Variants in AGMO observed in about 807,000 individuals in gnomAD.
The protein encoded by AGMO is glyceryl-ether monooxygenase.
Under a neutral mutation model 60.2 loss-of-function variants are expected in AGMO, and 75 were observed. That is an observed-to-expected ratio of 1.25 (90% confidence interval 1.03 to 1.51). AGMO has a LOEUF of 1.51. AGMO is among the 40% of genes most tolerant of loss of function. AGMO has a pLI of 0.00. For missense variants in AGMO, 763 were observed against 525.5 expected (o/e 1.45, Z -4.42); for synonymous variants, 261 against 177.1 (o/e 1.47, Z -3.76).
At chr7:15,314,224 T>G (rs1282165816) in intron 12 of AGMO, among the ~76,000 whole-genome samples, 1 of 152,072 alleles carries the variant, frequency 6.6e-6, no homozygotes, top group Non-Finnish European at 1.5e-5. Context: ...CTCATAATGG[T>G]GCACAATTTA....
rs538806851 is a variant in AGMO at position 15,532,408 on chromosome 7, A to C, written c.409+12364T>G. 2.0e-5 allele frequency among the ~76,000 whole-genome samples: 3 copies of C among 152,284 alleles called. No individual in the cohort carries two copies. In the South Asian group the frequency reaches 6.2e-4, roughly 32 times the overall value. ...CTCTGAGAGTTGGGCAAGTTGCTTA[A>C]ATTTGCTTTGTTTTGGTTTCCTCTT... On this transcript the variant is annotated intron_variant, in intron 3 of 12. Coordinates refer to ENST00000342526, the MANE Select transcript of AGMO (RefSeq NM_001004320.2).
At chr7:15,547,507 A>C (rs1229631940) in intron 2 of AGMO, among the ~76,000 whole-genome samples, 1 of 152,176 alleles carries the variant, frequency 6.6e-6, no homozygotes, top group Non-Finnish European at 1.5e-5. Flanking sequence ...TCACTCGGGA[A>C]GCGCAAGGGG....
chr7:15,264,064 T>C (rs1346525225), intron 12 of AGMO, among the ~76,000 whole-genome samples: 1 of 150,662 alleles, frequency 6.6e-6, no homozygotes, highest in Non-Finnish European at 1.5e-5. Flanking sequence ...CCTATTGAAA[T>C]AAAAAATGAA....
chr7:15,477,262 C>T (rs1000562812), intron 3 of AGMO, among the ~76,000 whole-genome samples: 8 of 151,864 alleles, frequency 5.3e-5, no homozygotes, highest in Non-Finnish European at 7.4e-5. Flanking sequence ...GAAAGATATA[C>T]ATAAGGAAGG....
At chr7:15,155,320 C>T in the AGMO span, among the ~76,000 whole-genome samples, 3 of 149,818 alleles carry the variant, frequency 2.0e-5, no homozygotes, top group African/African-American at 4.9e-5. Flanking sequence ...TTATTTTTAT[C>T]TGCCTATGTT....
chr7:15,554,078 AC>A (rs1785058006), intron 2 of AGMO, among the ~76,000 whole-genome samples: 1 of 152,132 alleles, frequency 6.6e-6, no homozygotes, highest in Non-Finnish European at 1.5e-5. Context: ...CCTAACCAAT[AC>A]AGCTGGGAAA....
At chr7:15,249,417 T>C (rs1782864544) in intron 12 of AGMO, among the ~76,000 whole-genome samples, 2 of 152,284 alleles carry the variant, frequency 1.3e-5, no homozygotes, top group African/African-American at 4.8e-5. Flanking sequence ...AAGATTAAAA[T>C]ACCTATAGAT....
chr7:15,362,016 A>C (rs1782786636), intron 12 of AGMO, among the ~76,000 whole-genome samples: 1 of 152,166 alleles, frequency 6.6e-6, no homozygotes, highest in South Asian at 2.1e-4. Flanking sequence ...GCTTCAAAGA[A>C]AAATGAAGAG....
In AGMO at chr7:15,390,899, T is replaced by C. The variant is rs967903313; in HGVS notation, c.683A>G (p.Asn228Ser). Residue 228 changes from asparagine (N) to serine (S), a missense_variant, in exon 7 of 13, where the codon AAT becomes AGT. By Grantham distance (46) the Asn-to-Ser change is conservative. Transcript: ENST00000342526. ...PSHHRVHHGR[N>S]RYCIDKNYAG... ...ATAATTTTTGTCTATGCAATAACGATTTCTGCCTATGAGACAAAATATTAG... is the reference window on the plus strand; with the variant it reads ...ATAATTTTTGTCTATGCAATAACGACTTCTGCCTATGAGACAAAATATTAG... 1 of 1,596,072 alleles carries C rather than the reference T, an allele frequency of 6.3e-7. No individual in the cohort carries two copies. The highest frequency in any genetic ancestry group is 1.3e-5 in the African/African-American group (1 of 74,418).
At chr7:15,408,476 A>G (rs568189670) in intron 5 of AGMO, among the ~76,000 whole-genome samples, 1 of 152,006 alleles carries the variant, frequency 6.6e-6, no homozygotes, top group African/African-American at 2.4e-5. Flanking sequence ...TAGAGATGGA[A>G]AGGCAAGCGG....
At chr7:15,121,448 A>G in the AGMO span, among the ~76,000 whole-genome samples, 3 of 152,272 alleles carry the variant, frequency 2.0e-5, no homozygotes, top group East Asian at 3.9e-4. Context: ...ACAGTGTAAA[A>G]GCGTTCCTAT....
At chr7:15,428,625 G>T (rs1384692366) in intron 4 of AGMO, among the ~76,000 whole-genome samples, 1 of 151,946 alleles carries the variant, frequency 6.6e-6, no homozygotes, top group Non-Finnish European at 1.5e-5. Flanking sequence ...TGATGTTGTG[G>T]GCTTCTTTAA....
rs1470163418 is a variant in AGMO, at chr7:15,498,020, ACC to A, written c.409+46750_409+46751del. Among the ~76,000 whole-genome samples the A allele has an allele frequency of 3.0e-3, 461 of 152,156 alleles. 2 individuals carry two copies. The highest frequency in any genetic ancestry group is 0.011 in the African/African-American group (443 of 41,566). On this transcript the variant is annotated intron_variant, in intron 3 of 12. Coordinates refer to ENST00000342526, the MANE Select transcript of AGMO (RefSeq NM_001004320.2). ...CTTCAAGTTATACTATGTATACTGC[ACC>A]CACAACACACACGATAATTAGCTCG...
the AGMO span, among the ~76,000 whole-genome samples, chr7:15,191,362 C>T: frequency 1.3e-5 from 2 of 152,106 alleles, no homozygotes; most frequent in African/African-American, 4.8e-5. Flanking sequence ...CATAATCCCC[C>T]TAGGAACCCA....
At chr7:15,232,543 G>A (rs1782289371) in intron 12 of AGMO, among the ~76,000 whole-genome samples, 2 of 152,144 alleles carry the variant, frequency 1.3e-5, no homozygotes, top group African/African-American at 2.4e-5. Context: ...AGAAGAGCTG[G>A]TAGTGATCAG....
intron 3 of AGMO, among the ~76,000 whole-genome samples, chr7:15,439,275 T>C (rs922546923): frequency 2.0e-5 from 3 of 152,096 alleles, no homozygotes; most frequent in Admixed American, 6.5e-5. Context: ...TGCACACCTG[T>C]AGTCCCAGCT....
chr7:15,196,498 A>G (rs1781119629), downstream of AGMO, among the ~76,000 whole-genome samples: 1 of 152,342 alleles, frequency 6.6e-6, no homozygotes, highest in African/African-American at 2.4e-5. Flanking sequence ...CACACTGCAC[A>G]ACTTTTCTGC....
chr7:15,522,630 A>G (rs1393289748), intron 3 of AGMO, among the ~76,000 whole-genome samples: 1 of 152,132 alleles, frequency 6.6e-6, no homozygotes, highest in Non-Finnish European at 1.5e-5. Context: ...TGTTGGAAAA[A>G]CTGGCTAGCC....
At position 15,452,715 on chromosome 7, in the gene AGMO, A is replaced by G. The variant is rs555789401; in HGVS notation, c.410-21607T>C. Among the ~76,000 whole-genome samples, 62 of 152,212 alleles carry G rather than the reference A, an allele frequency of 4.1e-4. 1 individual carries two copies. The highest frequency in any genetic ancestry group is 7.8e-4 in the Non-Finnish European group (53 of 68,042). ...AAGAACAGTTACCATGTGATTCTGC[A>G]ATTCTGCTTTTAGGTATATAGTCAA... On this transcript the variant is annotated intron_variant, in intron 3 of 12. Coordinates refer to ENST00000342526, the MANE Select transcript of AGMO (RefSeq NM_001004320.2).
Sources: gnomAD v4.1 joint callset for allele counts (sites outside exome capture counted in the v4.1 genomes callset) on GRCh38, gnomAD v4.1.1 for gene constraint, MANE v1.5 for transcripts, NCBI Gene and HGNC (gene_info 2026-07-23, HGNC 2026-07-21) for gene names.